Variants in MAN2A1 observed in about 807,000 individuals in gnomAD.
MAN2A1 encodes mannosidase alpha class 2A member 1.
MAN2A1 carries 76 observed loss-of-function variants against 142.6 expected under a neutral mutation model. The ratio of observed to expected loss-of-function variants is 0.53; its 90% CI spans 0.44 to 0.65. The LOEUF (loss-of-function observed/expected upper bound fraction) is 0.65. Among genes scored for constraint, MAN2A1 ranks in the 30% least tolerant of loss-of-function variants. The pLI, the probability that MAN2A1 is intolerant of heterozygous loss-of-function variation, is 0.00. For synonymous variants in MAN2A1, 559 were observed against 473.2 expected (o/e 1.18, Z -2.35); for missense variants, 1,311 against 1,365.1 (o/e 0.96, Z 0.62).
At chr5:109,817,231 A>C in intron 12 of MAN2A1, 42 bp from the exon 13 acceptor site, 3 of 1,577,020 alleles carry the variant, frequency 1.9e-6, no homozygotes, top group Non-Finnish European at 2.6e-6. Context: ...TAAGAAGTAA[A>C]AATATTTTGA....
At chr5:109,737,020 A>AT (rs1752120295) in intron 4 of MAN2A1, among the ~76,000 whole-genome samples, 1 of 144,892 alleles carries the variant, frequency 6.9e-6, no homozygotes, top group Non-Finnish European at 1.5e-5. Context: ...TGCAAGTGCT[A>AT]TTTTTTCCCA....
intron 4 of MAN2A1, among the ~76,000 whole-genome samples, chr5:109,739,848 A>G (rs1030896808): frequency 6.6e-5 from 10 of 152,160 alleles, no homozygotes; most frequent in South Asian, 2.1e-4. Flanking sequence ...TAGCCCAGAC[A>G]AGTCAGCTGT....
chr5:109,730,870 G>T (rs1436823668), intron 4 of MAN2A1, among the ~76,000 whole-genome samples: 3 of 152,076 alleles, frequency 2.0e-5, no homozygotes, highest in Non-Finnish European at 4.4e-5. Flanking sequence ...TGCACACTGC[G>T]CCATCCTGCC....
At chr5:109,790,337 A>T (rs1753705891) in intron 12 of MAN2A1, among the ~76,000 whole-genome samples, 1 of 151,918 alleles carries the variant, frequency 6.6e-6, no homozygotes, top group South Asian at 2.1e-4. Flanking sequence ...AATGGAATGA[A>T]TGTAAAAAGA....
At chr5:109,696,546 G>T (rs1209544345) in intron 1 of MAN2A1, among the ~76,000 whole-genome samples, 1 of 152,196 alleles carries the variant, frequency 6.6e-6, no homozygotes, top group Non-Finnish European at 1.5e-5. Flanking sequence ...TTGACATTTT[G>T]GGCCAGAGAA....
At chr5:109,704,041 G>A (rs1751060408) in intron 1 of MAN2A1, among the ~76,000 whole-genome samples, 1 of 152,186 alleles carries the variant, frequency 6.6e-6, no homozygotes, top group African/African-American at 2.4e-5. Flanking sequence ...TTTGGAGGAG[G>A]GTGGTGAGGG....
At chr5:109,806,961 G>A (rs1323901258) in intron 12 of MAN2A1, among the ~76,000 whole-genome samples, 1 of 152,158 alleles carries the variant, frequency 6.6e-6, no homozygotes, top group Non-Finnish European at 1.5e-5. Flanking sequence ...TAGGAAGATA[G>A]GGTAGCATTT....
At chr5:109,698,473 C>T (rs576294169) in intron 1 of MAN2A1, among the ~76,000 whole-genome samples, 3 of 152,216 alleles carry the variant, frequency 2.0e-5, no homozygotes, top group South Asian at 2.1e-4. Flanking sequence ...ATACTGAGTC[C>T]GAACAAAATG....
At chr5:109,842,739 AAT>A (rs1212457527) in intron 17 of MAN2A1, among the ~76,000 whole-genome samples, 2 of 151,684 alleles carry the variant, frequency 1.3e-5, no homozygotes, top group Admixed American at 1.3e-4. Flanking sequence ...GATGCTAAAA[AAT>A]ATATATATGA....
chr5:109,802,008 C>G (rs1236453252), intron 12 of MAN2A1, among the ~76,000 whole-genome samples: 1 of 152,060 alleles, frequency 6.6e-6, no homozygotes, highest in Non-Finnish European at 1.5e-5. Flanking sequence ...GTTCCTTATT[C>G]TTTGATTCAT....
At chr5:109,852,165 A>T (rs1755499577) in intron 19 of MAN2A1, among the ~76,000 whole-genome samples, 1 of 151,838 alleles carries the variant, frequency 6.6e-6, no homozygotes, top group Non-Finnish European at 1.5e-5. Flanking sequence ...AAACATTTTA[A>T]TACCATACAG....
chr5:109,825,900 C>CT (rs869069525), intron 16 of MAN2A1, among the ~76,000 whole-genome samples: 3,938 of 92,214 alleles, frequency 0.043, 670 homozygotes, highest in Non-Finnish European at 0.06. Flanking sequence ...TCTTTCCTTC[C>CT]TTTTTTTTTT....
chr5:109,849,473 A>G (rs1369406794), intron 19 of MAN2A1, among the ~76,000 whole-genome samples: 1 of 152,154 alleles, frequency 6.6e-6, no homozygotes, highest in Non-Finnish European at 1.5e-5. Flanking sequence ...TACAACTCCA[A>G]GACAGACATG....
chr5:109,788,397 A>G (rs1374428894), intron 10 of MAN2A1, among the ~76,000 whole-genome samples: 1 of 151,812 alleles, frequency 6.6e-6, no homozygotes, highest in African/African-American at 2.4e-5. Flanking sequence ...GATAAAGACA[A>G]TTTCATTATT....
chr5:109,705,051 G>A (rs6875086), intron 1 of MAN2A1, among the ~76,000 whole-genome samples: 111,296 of 152,028 alleles, frequency 0.73, 41,851 homozygotes, highest in East Asian at 0.93. Context: ...CTCCTCCCCA[G>A]TAACTGGCTT....
intron 7 of MAN2A1, among the ~76,000 whole-genome samples, chr5:109,772,137 G>A (rs1439404931): frequency 1.3e-5 from 2 of 152,154 alleles, no homozygotes; most frequent in Non-Finnish European, 2.9e-5. Flanking sequence ...GCCCATGCCT[G>A]TAATCCTAGC....
intron 1 of MAN2A1, among the ~76,000 whole-genome samples, chr5:109,703,283 G>GCA (rs1406940875): frequency 5.9e-5 from 9 of 152,224 alleles, no homozygotes; most frequent in Non-Finnish European, 2.9e-5. Flanking sequence ...ATCCTAACAT[G>GCA]CAATACATGG....
intron 5 of MAN2A1, among the ~76,000 whole-genome samples, chr5:109,759,165 T>A (rs1344668324): frequency 6.6e-6 from 1 of 152,166 alleles, no homozygotes; most frequent in African/African-American, 2.4e-5. Flanking sequence ...ATTGCCGTTT[T>A]AACAATGTCA....
At chr5:109,810,697 C>A (rs1400384926) in intron 12 of MAN2A1, among the ~76,000 whole-genome samples, 2 of 152,198 alleles carry the variant, frequency 1.3e-5, no homozygotes, top group African/African-American at 4.8e-5. Context: ...TGAGAATTGG[C>A]ATGCCCCAGA....
Sources: gnomAD v4.1 joint callset for allele counts (sites outside exome capture counted in the v4.1 genomes callset) on GRCh38, gnomAD v4.1.1 for gene constraint, MANE v1.5 for transcripts, NCBI Gene and HGNC (gene_info 2026-07-23, HGNC 2026-07-21) for gene names.